The following PALM2AKAP2 variants were observed in gnomAD, a reference collection of about 807,000 sequenced individuals.
PALM2AKAP2 encodes PALM2-AKAP2 fusion protein.
A neutral mutation model predicts 71.5 loss-of-function variants in PALM2AKAP2; 37 were observed. The observed-to-expected ratio is 0.52, with a 90% CI of 0.40 to 0.68. The LOEUF (loss-of-function observed/expected upper bound fraction) is 0.68. Ranked by LOEUF, PALM2AKAP2 falls within the 30% of genes least tolerant of loss-of-function variation. The pLI, the probability that PALM2AKAP2 is intolerant of heterozygous loss-of-function variation, is 0.00. For synonymous variants in PALM2AKAP2, 468 were observed against 478.8 expected (o/e 0.98, Z 0.29); for missense variants, 1,224 against 1,191.8 (o/e 1.03, Z -0.40).
chr9:110,031,657 T>C (rs927489761), intron 7 of PALM2AKAP2, among the ~76,000 whole-genome samples: 5 of 152,138 alleles, frequency 3.3e-5, no homozygotes, highest in African/African-American at 1.2e-4. Context: ...ATTAAGTAAC[T>C]TGTCTAAGGT....
intron 1 of PALM2AKAP2, among the ~76,000 whole-genome samples, chr9:109,653,902 C>T (rs2132234984): frequency 6.6e-6 from 1 of 152,308 alleles, no homozygotes; most frequent in Non-Finnish European, 1.5e-5. Context: ...CAAGTAAACA[C>T]ACAGAGCAAA....
chr9:109,733,202 G>A (rs1043965291), intron 1 of PALM2AKAP2, among the ~76,000 whole-genome samples: 1 of 152,270 alleles, frequency 6.6e-6, no homozygotes, highest in East Asian at 1.9e-4. Flanking sequence ...TCCTGGAAAG[G>A]GGTTGAGGGA....
intron 1 of PALM2AKAP2, among the ~76,000 whole-genome samples, chr9:110,078,683 T>G (rs1834376720): frequency 6.6e-6 from 1 of 152,262 alleles, no homozygotes; most frequent in Non-Finnish European, 1.5e-5. Context: ...AGCTTTTGTT[T>G]TAATTAGGAA....
At chr9:109,987,437 T>C (rs1308120547) in intron 6 of PALM2AKAP2, among the ~76,000 whole-genome samples, 1 of 152,132 alleles carries the variant, frequency 6.6e-6, no homozygotes, top group Non-Finnish European at 1.5e-5. Flanking sequence ...CCTGCTTTCC[T>C]TTTTCATAAT....
In PALM2AKAP2 at chr9:109,975,082, A is replaced by G. The variant is rs899989028; in HGVS notation, c.497-40872A>G. Among the ~76,000 whole-genome samples, 4 of 151,588 alleles carry G rather than the reference A, an allele frequency of 2.6e-5. No homozygotes were observed. In the East Asian group the frequency reaches 7.8e-4, roughly 30 times the overall value. On this transcript the variant is annotated intron_variant, in intron 6 of 9. Transcript: ENST00000302798. ...CGTGCACACACACACACACACACAC[A>G]CGTTTGTGTATATTAGGATTCTTAA...
At chr9:110,126,744 C>G (rs1564319140) in intron 1 of PALM2AKAP2, among the ~76,000 whole-genome samples, 1 of 152,232 alleles carries the variant, frequency 6.6e-6, no homozygotes, top group South Asian at 2.1e-4. Context: ...CTTTCCTCCC[C>G]TCCCCGCTGC....
intron 1 of PALM2AKAP2, among the ~76,000 whole-genome samples, chr9:109,671,215 C>T (rs1732294887): frequency 6.6e-6 from 1 of 152,138 alleles, no homozygotes. Flanking sequence ...GCCAGGTTGT[C>T]TTCTAGAGTT....
At chr9:109,778,599 A>G (rs1829381940), upstream of PALM2AKAP2, among the ~76,000 whole-genome samples, 1 of 152,160 alleles carries the variant, frequency 6.6e-6, no homozygotes, top group South Asian at 2.1e-4. Flanking sequence ...TATGAAAAAG[A>G]TGGGAAAACA....
At chr9:109,771,646 G>A (rs573957239) in intron 1 of PALM2AKAP2, among the ~76,000 whole-genome samples, 2 of 152,134 alleles carry the variant, frequency 1.3e-5, no homozygotes. Context: ...CTCTCTGATC[G>A]CAGGAAAAGC....
chr9:109,669,265 T>C (rs962093691), intron 1 of PALM2AKAP2, among the ~76,000 whole-genome samples: 70 of 139,420 alleles, frequency 5.0e-4, no homozygotes, highest in African/African-American at 2.1e-3. Context: ...TTTTTGTTTT[T>C]CCTTTTTTTT....
chr9:109,739,270 G>T (rs994203106), intron 1 of PALM2AKAP2, among the ~76,000 whole-genome samples: 1 of 152,128 alleles, frequency 6.6e-6, no homozygotes, highest in African/African-American at 2.4e-5. Flanking sequence ...AGAAAGTACA[G>T]GTTGTTATAT....
intron 3 of PALM2AKAP2, among the ~76,000 whole-genome samples, chr9:109,919,089 C>T (rs1830761587): frequency 6.6e-6 from 1 of 152,230 alleles, no homozygotes; most frequent in Non-Finnish European, 1.5e-5. Context: ...AAGTGAGTTA[C>T]TGAGAGACAG....
chr9:109,896,677 G>A (rs1355308394), intron 3 of PALM2AKAP2, among the ~76,000 whole-genome samples: 1 of 152,046 alleles, frequency 6.6e-6, no homozygotes, highest in Non-Finnish European at 1.5e-5. Flanking sequence ...CAAGCATGGT[G>A]GTACATGCCT....
At chr9:109,958,674 T>A in intron 6 of PALM2AKAP2, among the ~76,000 whole-genome samples, 5 of 144,730 alleles carry the variant, frequency 3.5e-5, no homozygotes, top group African/African-American at 7.7e-5. Context: ...AAAGGAAGGA[T>A]GAAAGAAGGG....
At chr9:110,033,636 A>G (rs1019184846) in intron 7 of PALM2AKAP2, among the ~76,000 whole-genome samples, 4 of 152,248 alleles carry the variant, frequency 2.6e-5, no homozygotes, top group Non-Finnish European at 2.9e-5. Flanking sequence ...CAGGTTTGTC[A>G]TATTTCAGAG....
chr9:110,157,045 A>T (rs961804180), intron 3 of PALM2AKAP2, among the ~76,000 whole-genome samples: 2 of 152,228 alleles, frequency 1.3e-5, no homozygotes, highest in African/African-American at 4.8e-5. Flanking sequence ...TGAAAACCAC[A>T]TGGCTACTCT....
At chr9:110,141,291 A>G (rs1000168886) in intron 2 of PALM2AKAP2, among the ~76,000 whole-genome samples, 2 of 150,908 alleles carry the variant, frequency 1.3e-5, no homozygotes, top group African/African-American at 4.9e-5. Flanking sequence ...CCACCCCCAT[A>G]GGATTGATTT....
rs534314164 is a variant in PALM2AKAP2, at chr9:109,784,932, A to G, written c.45+4399A>G. Among the ~76,000 whole-genome samples, 6 of 152,366 alleles carry G rather than the reference A, an allele frequency of 3.9e-5. No homozygotes were observed. The East Asian group carries it at 1.2e-3, about 29-fold the overall frequency. ...TTGAGAGTCTTTCAAGCCTGGATTCAGTGCATAGAAATACCCAACATAAAA... is the reference window on the plus strand; with the variant it reads ...TTGAGAGTCTTTCAAGCCTGGATTCGGTGCATAGAAATACCCAACATAAAA... On this transcript the variant is annotated intron_variant, in intron 1 of 9. Transcript: ENST00000302798.
At chr9:109,718,104 A>G (rs573103117) in intron 1 of PALM2AKAP2, among the ~76,000 whole-genome samples, 1 of 152,134 alleles carries the variant, frequency 6.6e-6, no homozygotes, top group South Asian at 2.1e-4. Context: ...TTGCTGAGAC[A>G]GGGTCTCATT....
Sources: gnomAD v4.1 joint callset for allele counts (sites outside exome capture counted in the v4.1 genomes callset) on GRCh38, gnomAD v4.1.1 for gene constraint, MANE v1.5 for transcripts, NCBI Gene and HGNC (gene_info 2026-07-23, HGNC 2026-07-21) for gene names.